Variants in ADGB observed in about 807,000 individuals in gnomAD.
ADGB encodes androglobin, also known as calpain-7-like protein.
Under a neutral mutation model 210.5 loss-of-function variants are expected in ADGB, and 172 were observed. The ratio of observed to expected loss-of-function variants is 0.82; its 90% CI spans 0.72 to 0.93. ADGB has a LOEUF of 0.93. Ranked by LOEUF, ADGB falls within the 40% of genes least tolerant of loss-of-function variation. The probability of loss-of-function intolerance (pLI) is 0.00; values close to 1 mark genes in which losing one functional copy is unlikely to be tolerated. For missense variants in ADGB, 2,025 were observed against 1,964.8 expected (o/e 1.03, Z -0.58); for synonymous variants, 658 against 662.7 (o/e 0.99, Z 0.11).
chr6:146,772,346 A>G (rs1050133358), intron 29 of ADGB, among the ~76,000 whole-genome samples: 6 of 150,562 alleles, frequency 4.0e-5, no homozygotes, highest in Non-Finnish European at 7.4e-5. Flanking sequence ...TCTCTAAAGT[A>G]AACTAATGTC....
chr6:146,686,056 A>G lies in ADGB; in HGVS notation c.1311+228A>G, dbSNP rs1237015486. On this transcript the variant is annotated intron_variant, in intron 10 of 35. Coordinates refer to ENST00000397944, the MANE Select transcript of ADGB (RefSeq NM_024694.4). ...CTCTGGCTAATTATAAAAAAGGAAA[A>G]GAAAAAATACATAGTCACTTTTAAT... is the stretch of plus-strand genomic sequence containing the variant. Among the ~76,000 whole-genome samples, 3 of 152,104 alleles carry G rather than the reference A, an allele frequency of 2.0e-5. No homozygotes were observed. In the East Asian group the frequency reaches 5.8e-4, roughly 29 times the overall value.
chr6:146,703,806 A>G (rs1776528655), intron 13 of ADGB, among the ~76,000 whole-genome samples: 1 of 150,682 alleles, frequency 6.6e-6, no homozygotes, highest in East Asian at 1.9e-4. Context: ...CACTGATTTC[A>G]TTTCCTTTGG....
chr6:146,703,322 A>G (rs1003341248), intron 13 of ADGB, among the ~76,000 whole-genome samples: 6 of 151,920 alleles, frequency 3.9e-5, no homozygotes, highest in African/African-American at 1.4e-4. Context: ...ATATAGCTGA[A>G]TAACTAAATT....
At chr6:146,618,810 A>G (rs1021326144) in intron 1 of ADGB, among the ~76,000 whole-genome samples, 1 of 150,852 alleles carries the variant, frequency 6.6e-6, no homozygotes, top group Non-Finnish European at 1.5e-5. Flanking sequence ...GCTGTTGAGA[A>G]AATGTGTTTT....
intron 6 of ADGB, 72 bp downstream of exon 6, chr6:146,664,412 A>C (rs752132812): frequency 7.2e-7 from 1 of 1,380,830 alleles, no homozygotes; most frequent in South Asian, 1.6e-5. Flanking sequence ...TTTGTATTGC[A>C]TAATTTATTT....
At chr6:146,803,611 G>C in intron 35 of ADGB, 6 of 1,348,100 alleles carry the variant, frequency 4.5e-6, no homozygotes, top group Non-Finnish European at 6.4e-6. Context: ...GTTCTTATCA[G>C]TGAAATTAGA....
intron 33 of ADGB, among the ~76,000 whole-genome samples, chr6:146,788,933 T>C: frequency 6.6e-6 from 1 of 152,194 alleles, no homozygotes; most frequent in East Asian, 1.9e-4. Context: ...AAACACAGAT[T>C]TTTTTGTGTT....
chr6:146,764,354 T>C (rs1244603399), intron 28 of ADGB, among the ~76,000 whole-genome samples: 1 of 152,188 alleles, frequency 6.6e-6, no homozygotes, highest in Non-Finnish European at 1.5e-5. Context: ...ATAATGTACC[T>C]GTAATTATCT....
Position 146,721,471 on chromosome 6 carries a change from C to T in ADGB, c.2061C>T (p.Cys687=), listed in dbSNP as rs1280803768. 1.4e-5 allele frequency: 21 copies of T among 1,550,766 alleles called. No individual in the cohort carries two copies. The highest frequency in any genetic ancestry group is 2.7e-5 in the African/African-American group (2 of 72,984). Residue 687 remains cysteine, a synonymous_variant, in exon 17 of 36, where the codon TGC becomes TGT. Coordinates refer to ENST00000397944, the MANE Select transcript of ADGB (RefSeq NM_024694.4). ...TAAAACCTATTGAACTACTGGTTTG[C>T]TTTTCTGCATTGGTACGCTGGGGGG... is the stretch of plus-strand genomic sequence containing the variant. ...DSLKPIELLV[C]FSALVRWGEY...
intron 29 of ADGB, among the ~76,000 whole-genome samples, chr6:146,777,904 T>G (rs1583634362): frequency 6.6e-6 from 1 of 152,270 alleles, no homozygotes. Context: ...CTCTGAGAGG[T>G]GGGCCTCAAG....
chr6:146,781,847 T>C (rs1777804713), intron 29 of ADGB, among the ~76,000 whole-genome samples, 173 bp from the exon 30 acceptor site: 1 of 152,222 alleles, frequency 6.6e-6, no homozygotes, highest in African/African-American at 2.4e-5. Context: ...ATATGAATTA[T>C]ATGTAGATTT....
intron 1 of ADGB, among the ~76,000 whole-genome samples, chr6:146,629,310 C>T (rs950855590): frequency 2.0e-5 from 3 of 152,116 alleles, no homozygotes; most frequent in African/African-American, 4.8e-5. Context: ...ATTTGAAGTC[C>T]ACAGTATACT....
At chr6:146,655,884 G>A (rs775249533) in intron 4 of ADGB, among the ~76,000 whole-genome samples, 6 of 151,902 alleles carry the variant, frequency 3.9e-5, no homozygotes, top group African/African-American at 4.8e-5. Flanking sequence ...AATCTTGCAA[G>A]GTCAATATTA....
chr6:146,793,300 A>C (rs1777979602), intron 33 of ADGB, among the ~76,000 whole-genome samples: 1 of 152,164 alleles, frequency 6.6e-6, no homozygotes, highest in African/African-American at 2.4e-5. Context: ...TCCTCTTGTA[A>C]GACAGAAAAG....
chr6:146,746,081 A>C lies in ADGB; in HGVS notation c.3337A>C (p.Ile1113Leu). Residue 1113 changes from isoleucine (I) to leucine (L), a missense_variant, in exon 26 of 36, where the codon ATA (isoleucine) becomes CTA (leucine). Ile to Leu is a conservative substitution (Grantham distance 5, BLOSUM62 2). Coordinates refer to ENST00000397944, the MANE Select transcript of ADGB (RefSeq NM_024694.4). Reference protein sequence around the residue: ...FAIKEIRDYYIPNDKKILFRY... With the variant: ...FAIKEIRDYYLPNDKKILFRY... ...CATAAAGGAAATCCGAGATTACTACATACCCAATGATAAGAAAATTTTATT... is the reference window on the plus strand; with the variant it reads ...CATAAAGGAAATCCGAGATTACTACCTACCCAATGATAAGAAAATTTTATT... 1 of 1,544,754 alleles carries C rather than the reference A, an allele frequency of 6.5e-7. No individual in the cohort carries two copies. The highest frequency in any genetic ancestry group is 8.7e-7 in the Non-Finnish European group (1 of 1,143,466).
intron 2 of ADGB, among the ~76,000 whole-genome samples, chr6:146,643,096 A>C (rs1015859662): frequency 6.6e-6 from 1 of 151,890 alleles, no homozygotes; most frequent in Admixed American, 6.6e-5. Flanking sequence ...GATGTGGGGA[A>C]ACCCCAGAAG....
chr6:146,688,124 A>C (rs1276581804), intron 10 of ADGB, among the ~76,000 whole-genome samples: 3 of 152,104 alleles, frequency 2.0e-5, no homozygotes, highest in Non-Finnish European at 4.4e-5. Flanking sequence ...AGATTGACAA[A>C]GTTCTCTCCA....
At chr6:146,655,154 C>T (rs959976772) in intron 4 of ADGB, among the ~76,000 whole-genome samples, 11 of 152,088 alleles carry the variant, frequency 7.2e-5, no homozygotes. Context: ...GTTTAGTGAG[C>T]CTCTGTTCTC....
chr6:146,772,747 T>A (rs186210391), intron 29 of ADGB, among the ~76,000 whole-genome samples: 226 of 151,562 alleles, frequency 1.5e-3, no homozygotes, highest in Non-Finnish European at 2.4e-3. Context: ...TCAGTACTTA[T>A]ATGTTGAGTG....
Sources: allele counts gnomAD v4.1 joint callset (sites outside exome capture counted in the v4.1 genomes callset), GRCh38; gene constraint gnomAD v4.1.1; transcripts MANE v1.5; gene names NCBI Gene and HGNC (gene_info 2026-07-23, HGNC 2026-07-21).